Variants in SFRP1 observed in about 807,000 individuals in gnomAD.
SFRP1 encodes the protein secreted frizzled-related protein 1.
SFRP1 carries 9 observed loss-of-function variants against 25.9 expected under a neutral mutation model. The ratio of observed to expected loss-of-function variants is 0.35; its 90% confidence interval spans 0.21 to 0.61. SFRP1 has a LOEUF of 0.61. Ranked by LOEUF, SFRP1 falls within the 20% of genes least tolerant of loss-of-function variation. SFRP1 has a pLI of 0.78. For missense variants in SFRP1, 346 were observed against 418.2 expected, an observed-to-expected ratio of 0.83 and a Z score of 1.51; for synonymous variants, 178 against 174.0, an observed-to-expected ratio of 1.02 and a Z score of -0.18.
At chr8:41,286,825 A>G (rs1163130693) in intron 2 of SFRP1, among the ~76,000 whole-genome samples, 1 of 152,200 alleles carries the variant, frequency 6.6e-6, no homozygotes, top group Non-Finnish European at 1.5e-5. Flanking sequence ...CTTCAGAAAG[A>G]TCATCTTACA....
intron 2 of SFRP1, among the ~76,000 whole-genome samples, chr8:41,280,101 CGGCATAAGATG>C (rs1001789205): frequency 2.9e-4 from 44 of 152,232 alleles, no homozygotes; most frequent in African/African-American, 9.4e-4. Context: ...ACACCTTCCC[CGGCATAAGATG>C]GGCAGCGCTG....
At chr8:41,290,571 G>A (rs1441279983) in intron 2 of SFRP1, among the ~76,000 whole-genome samples, 4 of 152,172 alleles carry the variant, frequency 2.6e-5, no homozygotes, top group African/African-American at 9.6e-5. Flanking sequence ...CTCTGCACAC[G>A]CAGAACACAG....
Position 41,308,527 on chromosome 8 carries a change from GGGCGGGCGTAGGGT to G in SFRP1, c.544+75_544+88del. On this transcript the variant is annotated intron_variant, in intron 1 of 2. Transcript: ENST00000220772. ...GTCCCCAGCACCGGGACCCAGCGGC[GGGCGGGCGTAGGGT>G]GGCGCGGGTTCTCCTGCAGCTCCGG... 2.8e-6 allele frequency: 3 copies of G among 1,071,612 alleles called. No homozygotes were observed. The South Asian group carries it at 4.8e-5, about 17-fold the overall frequency. 66.4% of individuals were successfully genotyped at this position (1,071,612 alleles called of 1,614,324 possible).
At chr8:41,276,347 T>C (rs1213540100) in intron 2 of SFRP1, among the ~76,000 whole-genome samples, 1 of 152,216 alleles carries the variant, frequency 6.6e-6, no homozygotes, top group Non-Finnish European at 1.5e-5. Context: ...GGCATTTGGC[T>C]GCAAGCAACC....
intron 2 of SFRP1, among the ~76,000 whole-genome samples, chr8:41,267,769 T>C (rs961707625): frequency 6.6e-6 from 1 of 152,214 alleles, no homozygotes; most frequent in Non-Finnish European, 1.5e-5. Context: ...AATCCTAAGT[T>C]GAAACCCATG....
At chr8:41,291,189 T>C (rs1364738291) in intron 2 of SFRP1, among the ~76,000 whole-genome samples, 2 of 151,972 alleles carry the variant, frequency 1.3e-5, no homozygotes, top group Admixed American at 1.3e-4. Context: ...ATTACAGGCA[T>C]GAGTCACCAC....
At chr8:41,270,988 C>T (rs560728784) in intron 2 of SFRP1, 20 of 153,656 alleles carry the variant, frequency 1.3e-4, no homozygotes, top group Admixed American at 1.2e-3. Context: ...ATGAGACACT[C>T]GGGTCTTAGA....
At chr8:41,293,289 C>T (rs760637590) in intron 2 of SFRP1, among the ~76,000 whole-genome samples, 2 of 152,336 alleles carry the variant, frequency 1.3e-5, no homozygotes. Flanking sequence ...GCTGGGTACA[C>T]AGACAGCTGC....
chr8:41,296,731 A>C (rs1803848275), intron 2 of SFRP1, among the ~76,000 whole-genome samples: 2 of 152,174 alleles, frequency 1.3e-5, no homozygotes, highest in South Asian at 4.1e-4. Context: ...AAACAGCACA[A>C]AGGGGCTCTG....
At chr8:41,307,639 T>C (rs1186691774) in intron 1 of SFRP1, among the ~76,000 whole-genome samples, 1 of 152,244 alleles carries the variant, frequency 6.6e-6, no homozygotes, top group Non-Finnish European at 1.5e-5. Flanking sequence ...TCTAAAGAAT[T>C]CTGGGTTGAA....
At chr8:41,275,332 TAAAA>T (rs33974931) in intron 2 of SFRP1, 649 of 244,168 alleles carry the variant, frequency 2.7e-3, no homozygotes, top group Middle Eastern at 9.4e-3. Context: ...AAGGTGCTGT[TAAAA>T]AAAAAAAAAA....
In SFRP1 at chr8:41,265,224, G is replaced by C. The variant is rs1227785642; in HGVS notation, c.888C>G (p.Asn296Lys). The C allele has an allele frequency of 1.2e-6, 2 of 1,600,954 alleles. No individual in the cohort carries two copies. The highest frequency in any genetic ancestry group is 1.1e-5 in the South Asian group (1 of 90,900). Residue 296 changes from asparagine (N) to lysine (K), a missense_variant, in exon 3 of 3, where the codon AAC becomes AAG. Physicochemically the swap from Asn to Lys is moderately conservative, Grantham distance 94. Coordinates refer to ENST00000220772, the MANE Select transcript of SFRP1 (RefSeq NM_003012.5). ...CATGGTTTTTCATTTTCTTCATGAA[G>C]TTTTTGAACTCCTTGTTTTTCTTGT... ...KWDKKNKEFKNFMKKMKNHEC... is the reference protein window; with the variant it reads ...KWDKKNKEFKKFMKKMKNHEC...
At chr8:41,308,556 T>A in intron 1 of SFRP1, 60 bp downstream of exon 1, 1 of 1,389,898 alleles carries the variant, frequency 7.2e-7, no homozygotes. Context: ...CGGGTTCTCC[T>A]GCAGCTCCGG....
chr8:41,287,894 A>G (rs113924125), intron 2 of SFRP1, among the ~76,000 whole-genome samples: 1,541 of 152,316 alleles, frequency 0.01, 18 homozygotes, highest in African/African-American at 0.035. Context: ...ATGGAGCTGT[A>G]AGAGAGCAAC....
At chr8:41,301,038 G>C (rs1209404007) in intron 2 of SFRP1, among the ~76,000 whole-genome samples, 1 of 152,202 alleles carries the variant, frequency 6.6e-6, no homozygotes, top group East Asian at 1.9e-4. Context: ...AAAGCACACT[G>C]CATGCCGAGA....
At chr8:41,292,947 A>C (rs952060931) in intron 2 of SFRP1, among the ~76,000 whole-genome samples, 6 of 152,208 alleles carry the variant, frequency 3.9e-5, no homozygotes, top group African/African-American at 7.2e-5. Flanking sequence ...TAGTGCCTCT[A>C]CATCTCAGAA....
Position 41,303,395 on chromosome 8 carries a change from C to A in SFRP1, c.622+66G>T, listed in dbSNP as rs888183846. 12 of 1,162,002 alleles carry A rather than the reference C, an allele frequency of 1.0e-5. No individual in the cohort carries two copies. The East Asian group carries it at 2.6e-4, about 25-fold the overall frequency. 72.0% of individuals were successfully genotyped at this position (1,162,002 alleles called of 1,614,324 possible). On this transcript the variant is annotated intron_variant, in intron 2 of 2. Transcript: ENST00000220772. ...CAACGAGATACATCAGCAGGGCCTCCGTCTGGCAGAGGCACAGACCAGGAG... is the reference window on the plus strand; with the variant it reads ...CAACGAGATACATCAGCAGGGCCTCAGTCTGGCAGAGGCACAGACCAGGAG...
intron 2 of SFRP1, among the ~76,000 whole-genome samples, chr8:41,277,220 C>T (rs1042185446): frequency 6.6e-6 from 1 of 151,576 alleles, no homozygotes; most frequent in African/African-American, 2.4e-5. Context: ...CCCAGCCCCC[C>T]ACCCTCACCA....
At chr8:41,282,669 A>G (rs1359265883) in intron 2 of SFRP1, among the ~76,000 whole-genome samples, 1 of 152,152 alleles carries the variant, frequency 6.6e-6, no homozygotes, top group African/African-American at 2.4e-5. Context: ...TCTTACTTTT[A>G]ATTCTGTATT....
Sources: allele counts gnomAD v4.1 joint callset (sites outside exome capture counted in the v4.1 genomes callset), GRCh38; gene constraint gnomAD v4.1.1; transcripts MANE v1.5; gene names NCBI Gene and HGNC (gene_info 2026-07-23, HGNC 2026-07-21).